Variants in SOX5 observed in about 807,000 individuals in gnomAD.
SOX5 encodes the protein SRY-box transcription factor 5.
A neutral mutation model predicts 92.0 loss-of-function variants in SOX5; 9 were observed. The ratio of observed to expected loss-of-function variants is 0.10; its 90% CI spans 0.06 to 0.17. SOX5 has a LOEUF of 0.17. SOX5 is among the 10% of genes least tolerant of loss of function. SOX5 has a pLI of 1.00. For missense variants in SOX5, 642 were observed against 944.5 expected, an observed-to-expected ratio of 0.68 and a Z score of 4.20; for synonymous variants, 344 against 336.3, an observed-to-expected ratio of 1.02 and a Z score of -0.25.
chr12:24,476,995 C>CAAAA (rs11385447), intron 1 of SOX5, among the ~76,000 whole-genome samples: 110 of 53,358 alleles, frequency 2.1e-3, no homozygotes, highest in Middle Eastern at 0.011. Flanking sequence ...AGACCCCTCT[C>CAAAA]AAAAAAAAAA....
chr12:23,560,189 G>GT (rs1565819210), intron 11 of SOX5, among the ~76,000 whole-genome samples: 2 of 152,142 alleles, frequency 1.3e-5, no homozygotes, highest in Non-Finnish European at 2.9e-5. Context: ...GATTACAGGC[G>GT]TTTGAGTCAC....
chr12:23,886,531 A>AT lies in SOX5; in HGVS notation c.270+9261dup, dbSNP rs1051910453. 3.0e-4 allele frequency among the ~76,000 whole-genome samples: 44 copies of AT among 147,968 alleles called. 1 individual carries two copies. Among genetic ancestry groups the AT allele is most frequent in the South Asian group, 2.1e-3 (10 of 4,684 alleles). On this transcript the variant is annotated intron_variant, in intron 2 of 14. Transcript: ENST00000451604. The stretch of plus-strand genomic sequence containing the variant: ...AAATCAGGCACCAACATACTGCAAG[A>AT]TTTTTTTTTTTCTTTTTTGGATTCT...
At chr12:23,924,359 C>G (rs1166385157) in intron 1 of SOX5, among the ~76,000 whole-genome samples, 5 of 152,040 alleles carry the variant, frequency 3.3e-5, no homozygotes, top group Non-Finnish European at 7.4e-5. Context: ...TAGGACCAGA[C>G]TTTATCATCA....
intron 13 of SOX5, among the ~76,000 whole-genome samples, chr12:23,540,168 C>T (rs1408226360): frequency 4.6e-5 from 7 of 150,898 alleles, no homozygotes; most frequent in Non-Finnish European, 1.0e-4. Flanking sequence ...GACTGATGTA[C>T]AGGGAGTTTA....
intron 10 of SOX5, among the ~76,000 whole-genome samples, chr12:23,568,283 C>G (rs61923841): frequency 6.6e-6 from 1 of 152,044 alleles, no homozygotes; most frequent in Admixed American, 6.5e-5. Context: ...TCAGAGCTTC[C>G]AGAAGGAACC....
At chr12:23,775,495 A>G (rs959556124) in intron 3 of SOX5, among the ~76,000 whole-genome samples, 1 of 152,230 alleles carries the variant, frequency 6.6e-6, no homozygotes, top group African/African-American at 2.4e-5. Context: ...GCATAACACA[A>G]AAAGAACTGA....
At chr12:24,310,948 T>C (rs1338189412) in intron 2 of SOX5, among the ~76,000 whole-genome samples, 3 of 152,178 alleles carry the variant, frequency 2.0e-5, no homozygotes, top group Non-Finnish European at 2.9e-5. Flanking sequence ...GGAACTACTT[T>C]TCGGACATGT....
chr12:24,161,516 C>T (rs1395817831), intron 4 of SOX5, among the ~76,000 whole-genome samples: 1 of 151,916 alleles, frequency 6.6e-6, no homozygotes, highest in African/African-American at 2.4e-5. Flanking sequence ...TATTAATGAA[C>T]ATTAGCTAAA....
At chr12:23,741,164 C>G in intron 4 of SOX5, 125 bp from the exon 5 acceptor site, 1 of 585,758 alleles carries the variant, frequency 1.7e-6, no homozygotes, top group East Asian at 3.3e-5. Context: ...AAAGCATTAC[C>G]TACCTTCTTT....
chr12:24,384,264 C>T lies in SOX5; in HGVS notation c.-250-15625G>A, dbSNP rs955205329. On this transcript the variant is annotated intron_variant, in intron 1 of 4. Coordinates refer to the SOX5 transcript ENST00000446891. ...CATGCACAGTTCACAATAGGGTTTG[C>T]GCTCCTACAAGAGTCTAGTGCCATG... 7.9e-5 allele frequency among the ~76,000 whole-genome samples: 12 copies of T among 152,168 alleles called. 1 individual carries two copies. The highest frequency in any genetic ancestry group is 3.3e-4 in the Admixed American group (5 of 15,280).
intron 8 of SOX5, among the ~76,000 whole-genome samples, chr12:23,633,539 A>C (rs2078828864): frequency 6.6e-6 from 1 of 152,082 alleles, no homozygotes; most frequent in Admixed American, 6.6e-5. Context: ...AGTCAGCATC[A>C]GTATAATAAA....
intron 8 of SOX5, among the ~76,000 whole-genome samples, chr12:23,626,619 G>T (rs1388126380): frequency 6.7e-6 from 1 of 149,340 alleles, no homozygotes; most frequent in Non-Finnish European, 1.5e-5. Flanking sequence ...CACTCACAAG[G>T]TGCAGAGTTT....
intron 4 of SOX5, among the ~76,000 whole-genome samples, chr12:24,039,664 C>G (rs16927051): frequency 0.035 from 5,251 of 152,176 alleles, 318 homozygotes; most frequent in African/African-American, 0.12. Context: ...TAATTCTCAG[C>G]ATTTTCAAAT....
chr12:23,801,166 G>C (rs928579871), intron 3 of SOX5, among the ~76,000 whole-genome samples: 2 of 152,140 alleles, frequency 1.3e-5, no homozygotes, highest in African/African-American at 4.8e-5. Flanking sequence ...CCTAGTGACA[G>C]CATTAACAGC....
intron 4 of SOX5, among the ~76,000 whole-genome samples, chr12:24,147,044 A>AATG (rs1951165068): frequency 6.6e-6 from 1 of 152,172 alleles, no homozygotes; most frequent in South Asian, 2.1e-4. Flanking sequence ...AAATTCTGCT[A>AATG]ATCACTTAAG....
chr12:23,637,699 T>C (rs994218839), intron 8 of SOX5, among the ~76,000 whole-genome samples: 12 of 152,192 alleles, frequency 7.9e-5, no homozygotes, highest in African/African-American at 2.9e-4. Context: ...AAAACTTGAA[T>C]GTTGTTCCTC....
intron 7 of SOX5, among the ~76,000 whole-genome samples, chr12:23,659,906 G>A (rs1223954396): frequency 6.6e-6 from 1 of 152,198 alleles, no homozygotes; most frequent in East Asian, 1.9e-4. Flanking sequence ...GGTGGAGGTT[G>A]CAGTGAGCCG....
chr12:23,925,429 T>G (rs1403901428), intron 1 of SOX5, among the ~76,000 whole-genome samples: 2 of 152,088 alleles, frequency 1.3e-5, no homozygotes, highest in African/African-American at 4.8e-5. Context: ...TCCTGTCTTA[T>G]ACAACAAGAA....
chr12:24,396,375 C>G (rs1212265392), intron 1 of SOX5, among the ~76,000 whole-genome samples: 1 of 152,188 alleles, frequency 6.6e-6, no homozygotes. Flanking sequence ...GACTGGAGCA[C>G]ACAGAAACTG....
Sources: gnomAD v4.1 joint callset for allele counts (sites outside exome capture counted in the v4.1 genomes callset) on GRCh38, gnomAD v4.1.1 for gene constraint, MANE v1.5 for transcripts, NCBI Gene and HGNC (gene_info 2026-07-23, HGNC 2026-07-21) for gene names.